ITFG1: variants seen among roughly 807,000 people sequenced by gnomAD.
ITFG1 encodes the protein T-cell immunomodulatory protein.
ITFG1 carries 34 observed loss-of-function variants against 81.8 expected under a neutral mutation model. The observed-to-expected ratio is 0.42, with a 90% CI of 0.32 to 0.55. The LOEUF (loss-of-function observed/expected upper bound fraction) is 0.55, where lower values mean the gene tolerates loss of function less well. Among genes scored for constraint, ITFG1 ranks in the 20% least tolerant of loss-of-function variants. ITFG1 has a pLI of 0.17. For missense variants in ITFG1, 672 were observed against 755.4 expected (o/e 0.89, Z 1.29); for synonymous variants, 285 against 270.6 (o/e 1.05, Z -0.52).
chr16:47,366,485 G>A (rs1028490817), intron 7 of ITFG1, among the ~76,000 whole-genome samples: 2 of 152,112 alleles, frequency 1.3e-5, no homozygotes, highest in African/African-American at 4.8e-5. Context: ...AAGCTAAATA[G>A]AAAAGGAGAG....
intron 6 of ITFG1, among the ~76,000 whole-genome samples, chr16:47,416,063 C>T (rs1968870385): frequency 6.6e-6 from 1 of 152,106 alleles, no homozygotes; most frequent in Admixed American, 6.5e-5. Flanking sequence ...CATTGCACTC[C>T]AGCCTGGGCA....
intron 6 of ITFG1, among the ~76,000 whole-genome samples, chr16:47,403,712 C>T (rs969358397): frequency 6.6e-6 from 1 of 151,218 alleles, no homozygotes; most frequent in South Asian, 2.1e-4. Context: ...ATATTTAATA[C>T]TCACTTTTAG....
At chr16:47,426,574 C>T (rs1231078681) in intron 6 of ITFG1, among the ~76,000 whole-genome samples, 1 of 148,958 alleles carries the variant, frequency 6.7e-6, no homozygotes, top group Non-Finnish European at 1.5e-5. Flanking sequence ...TAAATTCTCC[C>T]CTCTCCTCCC....
chr16:47,286,491 T>G (rs1966869748), intron 10 of ITFG1, among the ~76,000 whole-genome samples: 1 of 151,826 alleles, frequency 6.6e-6, no homozygotes, highest in African/African-American at 2.4e-5. Flanking sequence ...AATACAAAAA[T>G]TAGCTGGGCA....
intron 5 of ITFG1, among the ~76,000 whole-genome samples, chr16:47,442,896 T>C (rs927328524): frequency 5.9e-5 from 9 of 152,040 alleles, no homozygotes; most frequent in South Asian, 2.1e-4. Context: ...CCAAAATTGA[T>C]AAATGGGATC....
intron 7 of ITFG1, 58 bp downstream of exon 7, chr16:47,375,818 T>C (rs1378746821): frequency 5.9e-6 from 6 of 1,017,700 alleles, no homozygotes; most frequent in East Asian, 4.8e-5. Flanking sequence ...TTTTCTAAAA[T>C]TGTGTGCTTT....
chr16:47,373,508 T>C (rs1476283135), intron 7 of ITFG1, among the ~76,000 whole-genome samples: 2 of 152,172 alleles, frequency 1.3e-5, no homozygotes, highest in Admixed American at 6.5e-5. Flanking sequence ...CTTGAACTCC[T>C]GACCTCAGAT....
At chr16:47,191,065 G>T (rs1226703079) in intron 14 of ITFG1, among the ~76,000 whole-genome samples, 1 of 152,210 alleles carries the variant, frequency 6.6e-6, no homozygotes, top group African/African-American at 2.4e-5. Context: ...GCCAAAGTCA[G>T]TGTGGGTTGG....
intron 8 of ITFG1, among the ~76,000 whole-genome samples, chr16:47,322,677 G>C (rs1462061378): frequency 1.3e-5 from 2 of 152,176 alleles, no homozygotes; most frequent in African/African-American, 2.4e-5. Context: ...GCGATACAGT[G>C]AGACTCTGTC....
At chr16:47,212,213 A>T (rs886513307) in intron 14 of ITFG1, among the ~76,000 whole-genome samples, 1 of 151,902 alleles carries the variant, frequency 6.6e-6, no homozygotes, top group Non-Finnish European at 1.5e-5. Flanking sequence ...ATTTGAAGTT[A>T]ACTCTATTTT....
chr16:47,307,117 A>AAAAAAAAC (rs1967179927), intron 10 of ITFG1, among the ~76,000 whole-genome samples: 6 of 148,438 alleles, frequency 4.0e-5, no homozygotes, highest in African/African-American at 1.5e-4. Context: ...AAAAAAAAAA[A>AAAAAAAAC]AAAAAACGGA....
chr16:47,416,282 A>C lies in ITFG1; in HGVS notation c.655+12522T>G, dbSNP rs1026546757. Among the ~76,000 whole-genome samples the C allele has an allele frequency of 3.9e-5, 6 of 152,280 alleles. No homozygotes were observed. The East Asian group carries it at 7.7e-4, about 20-fold the overall frequency. On this transcript the variant is annotated intron_variant, in intron 6 of 17. Transcript: ENST00000320640. ...CTTAAAAAAAAAGAGATGTTAAATA[A>C]ATTGTTATAATCATATAGTGGATAA... is the stretch of plus-strand genomic sequence containing the variant.
At chr16:47,365,907 A>T in intron 7 of ITFG1, 38 bp from the exon 8 acceptor site, 1 of 1,048,566 alleles carries the variant, frequency 9.5e-7, no homozygotes, top group Non-Finnish European at 1.5e-6. Flanking sequence ...GACCATCTTA[A>T]TCCACTCATT....
intron 14 of ITFG1, among the ~76,000 whole-genome samples, chr16:47,200,811 G>C (rs1596804237): frequency 6.6e-6 from 1 of 152,164 alleles, no homozygotes; most frequent in East Asian, 1.9e-4. Context: ...GCCTGGAAAG[G>C]TGTGTTTTAA....
chr16:47,375,365 A>T (rs561141849), intron 7 of ITFG1, among the ~76,000 whole-genome samples: 1 of 152,290 alleles, frequency 6.6e-6, no homozygotes, highest in South Asian at 2.1e-4. Flanking sequence ...AGCTAAAAGT[A>T]AAACAAAATC....
chr16:47,410,887 C>T (rs1353563758), intron 6 of ITFG1, among the ~76,000 whole-genome samples: 1 of 152,188 alleles, frequency 6.6e-6, no homozygotes, highest in Non-Finnish European at 1.5e-5. Context: ...CAAGGCTCTC[C>T]ATCTTCTTCT....
At chr16:47,353,719 A>C (rs1967999116) in intron 8 of ITFG1, among the ~76,000 whole-genome samples, 1 of 152,156 alleles carries the variant, frequency 6.6e-6, no homozygotes, top group African/African-American at 2.4e-5. Context: ...ATCAACATGC[A>C]AAAATCAGTA....
At chr16:47,357,008 T>C (rs1283890200) in intron 8 of ITFG1, among the ~76,000 whole-genome samples, 1 of 151,592 alleles carries the variant, frequency 6.6e-6, no homozygotes. Flanking sequence ...AGCCAAGTTA[T>C]CTGCAATAAT....
intron 8 of ITFG1, among the ~76,000 whole-genome samples, chr16:47,334,150 T>C (rs1009902189): frequency 9.9e-5 from 15 of 152,210 alleles, no homozygotes; most frequent in African/African-American, 3.4e-4. Flanking sequence ...TCTCAATACA[T>C]GAATGAATAT....
Sources: gnomAD v4.1 joint callset for allele counts (sites outside exome capture counted in the v4.1 genomes callset) on GRCh38, gnomAD v4.1.1 for gene constraint, MANE v1.5 for transcripts, NCBI Gene and HGNC (gene_info 2026-07-23, HGNC 2026-07-21) for gene names.